Variants in GLE1 observed in about 807,000 individuals in gnomAD.
The protein encoded by GLE1 is GLE1 RNA export mediator.
Under a neutral mutation model 97.3 loss-of-function variants are expected in GLE1, and 78 were observed. That is an observed-to-expected ratio of 0.80 (90% confidence interval 0.67 to 0.97). The LOEUF (loss-of-function observed/expected upper bound fraction) is 0.97, where lower values mean the gene tolerates loss of function less well. Among genes scored for constraint, GLE1 ranks in the 50% least tolerant of loss-of-function variants. The pLI, the probability that GLE1 is intolerant of heterozygous loss-of-function variation, is 0.00. For missense variants in GLE1, 753 were observed against 857.5 expected (o/e 0.88, Z 1.52); for synonymous variants, 302 against 313.4 (o/e 0.96, Z 0.39).
In GLE1 at chr9:128,541,177, TCCATCACCCA is replaced by T; in HGVS notation, c.*16_*25del. On this transcript the variant is annotated 3_prime_UTR_variant, in exon 16 of 16. Coordinates refer to ENST00000309971, the MANE Select transcript of GLE1 (RefSeq NM_001003722.2). The stretch of plus-strand genomic sequence containing the variant: ...CTCCTTCTGGCGCTCCTGATGTCAC[TCCATCACCCA>T]CCATCACCGCTGCTGCAAAGAGGCA... 6.7e-7 allele frequency: 1 copy of T among 1,489,902 alleles called. No individual in the cohort carries two copies. Among genetic ancestry groups the T allele is most frequent in the Non-Finnish European group, 9.4e-7 (1 of 1,066,540 alleles). The allele number at this position is 1,489,902 out of a possible 1,614,324, so 92.3% of individuals were successfully genotyped here.
chr9:128,533,427 CAAAAAAAAAAA>C (rs5900802), intron 9 of GLE1, 75 bp from the exon 10 acceptor site: 71 of 453,630 alleles, frequency 1.6e-4, no homozygotes, highest in Middle Eastern at 6.9e-4. Flanking sequence ...GATACTGTCT[CAAAAAAAAAAA>C]AAAAAAAAAA....
At chr9:128,539,572 G>A (rs747812383) in intron 13 of GLE1, 44 bp from the exon 14 acceptor site, 15 of 1,566,150 alleles carry the variant, frequency 9.6e-6, no homozygotes, top group Non-Finnish European at 1.3e-5. Flanking sequence ...CTGTGAGTGT[G>A]AATTTTCATT....
intron 3 of GLE1, among the ~76,000 whole-genome samples, chr9:128,517,808 A>T (rs996693729): frequency 1.3e-5 from 2 of 151,930 alleles, no homozygotes; most frequent in African/African-American, 4.8e-5. Context: ...GTTTTTTTGT[A>T]TTCTCCACTT....
chr9:128,538,214 G>A, intron 13 of GLE1, 124 bp downstream of exon 13: 3 of 702,266 alleles, frequency 4.3e-6, no homozygotes, highest in Non-Finnish European at 7.8e-6. Context: ...TGAGGTTCCA[G>A]TGTCATACAT....
chr9:128,505,476 T>G (rs1185644657), intron 1 of GLE1, among the ~76,000 whole-genome samples: 2 of 152,178 alleles, frequency 1.3e-5, no homozygotes, highest in African/African-American at 2.4e-5. Context: ...ATCCTCAGAC[T>G]TCTTGGGAAA....
chr9:128,515,779 T>C, intron 3 of GLE1, 140 bp downstream of exon 3: 1 of 684,634 alleles, frequency 1.5e-6, no homozygotes, highest in Non-Finnish European at 2.7e-6. Context: ...GTAATAGAGG[T>C]CAGGAGTGAG....
chr9:128,523,412 G>A, intron 5 of GLE1, 72 bp downstream of exon 5: 1 of 1,436,612 alleles, frequency 7.0e-7, no homozygotes, highest in Non-Finnish European at 9.8e-7. Context: ...CCAGGTTTTG[G>A]CAGATGGCCA....
intron 7 of GLE1, 83 bp from the exon 8 acceptor site, chr9:128,527,096 T>C: frequency 2.6e-6 from 2 of 768,650 alleles, no homozygotes; most frequent in Non-Finnish European, 4.7e-6. Flanking sequence ...AGTACATACA[T>C]AAAGTGATTA....
At chr9:128,514,216 G>T (rs947646746) in intron 2 of GLE1, among the ~76,000 whole-genome samples, 1 of 151,010 alleles carries the variant, frequency 6.6e-6, no homozygotes, top group Non-Finnish European at 1.5e-5. Context: ...GCGTGCGCCA[G>T]TGGTCCCAGC....
chr9:128,514,125 A>G (rs1846907803), intron 2 of GLE1, among the ~76,000 whole-genome samples: 1 of 151,658 alleles, frequency 6.6e-6, no homozygotes, highest in Non-Finnish European at 1.5e-5. Flanking sequence ...CTTGCCTGAG[A>G]CTAGGAGTTT....
At chr9:128,532,653 C>G (rs1847556865) in intron 9 of GLE1, 8 of 937,884 alleles carry the variant, frequency 8.5e-6, no homozygotes, top group African/African-American at 3.6e-5. Flanking sequence ...CATCTCCATT[C>G]TTATTTTATA....
At chr9:128,513,695 T>G in intron 2 of GLE1, among the ~76,000 whole-genome samples, 1 of 140,534 alleles carries the variant, frequency 7.1e-6, no homozygotes, top group South Asian at 2.2e-4. Flanking sequence ...GGTGATAGAG[T>G]AAGACCCTGT....
intron 1 of GLE1, 27 bp from the exon 2 acceptor site, chr9:128,508,849 T>G: frequency 1.5e-4 from 199 of 1,288,898 alleles, no homozygotes; most frequent in Non-Finnish European, 2.0e-4. Context: ...ACGTGTAAGT[T>G]GAGCTTAACC....
rs1268713572 is a variant in GLE1 at position 128,527,513 on chromosome 9, T to G, written c.1300T>G (p.Ser434Ala). The G allele has an allele frequency of 6.2e-7, 1 of 1,608,914 alleles. No individual in the cohort carries two copies. Among genetic ancestry groups the G allele is most frequent in the Non-Finnish European group, 8.5e-7 (1 of 1,175,250 alleles). ...KAATIPVSQI[S>A]TIAGSKLKEI... ...TGCTACCATCCCAGTGAGCCAAATCTCTACCATTGCAGGTTGGTCAGAGGG... is the reference window on the plus strand; with the variant it reads ...TGCTACCATCCCAGTGAGCCAAATCGCTACCATTGCAGGTTGGTCAGAGGG... Residue 434 changes from serine to alanine, a missense_variant, in exon 9 of 16, where the codon TCT becomes GCT. Coordinates refer to ENST00000309971, the MANE Select transcript of GLE1 (RefSeq NM_001003722.2).
chr9:128,518,536 G>A (rs533955237), intron 3 of GLE1, among the ~76,000 whole-genome samples: 1 of 151,992 alleles, frequency 6.6e-6, no homozygotes, highest in South Asian at 2.1e-4. Flanking sequence ...ACTCCAGCCT[G>A]GGTGACAGAG....
chr9:128,527,493 C>T lies in GLE1; in HGVS notation c.1280C>T (p.Thr427Ile), dbSNP rs960331783. The change falls in exon 9 of 16, where the codon ACC (threonine) becomes ATC (isoleucine). Residue 427 changes from threonine to isoleucine, a missense_variant. Coordinates refer to ENST00000309971, the MANE Select transcript of GLE1 (RefSeq NM_001003722.2). ...KIKMDLQKAA[T>I]IPVSQISTIA... The stretch of plus-strand genomic sequence containing the variant: ...AAGATGGACCTCCAGAAGGCTGCTA[C>T]CATCCCAGTGAGCCAAATCTCTACC... 6.2e-7 allele frequency: 1 copy of T among 1,613,014 alleles called. No homozygotes were observed. The highest frequency in any genetic ancestry group is 1.1e-5 in the South Asian group (1 of 91,046).
chr9:128,539,125 G>A (rs1274959501), intron 13 of GLE1, among the ~76,000 whole-genome samples: 1 of 152,076 alleles, frequency 6.6e-6, no homozygotes, highest in African/African-American at 2.4e-5. Flanking sequence ...CCCAGTTACT[G>A]AGGAGGCTGA....
chr9:128,522,056 G>A (rs968839306), intron 3 of GLE1, among the ~76,000 whole-genome samples: 6 of 152,086 alleles, frequency 3.9e-5, no homozygotes, highest in Non-Finnish European at 8.8e-5. Flanking sequence ...GAGGATTTCC[G>A]TAAATTACCA....
At position 128,517,289 on chromosome 9, in the gene GLE1, C is replaced by CA. The variant is rs1239891187; in HGVS notation, c.432+1662dup. 2.6e-3 allele frequency among the ~76,000 whole-genome samples: 358 copies of CA among 138,670 alleles called. 2 individuals carry two copies. Among genetic ancestry groups the CA allele is most frequent in the African/African-American group, 3.7e-3 (138 of 37,686 alleles). 91.0% of individuals were successfully genotyped at this position (138,670 alleles called of 152,430 possible). A position where few individuals can be genotyped will look rare whatever the true frequency, so the allele number is the denominator to read the frequency against. On this transcript the variant is annotated intron_variant, in intron 3 of 15. Transcript: ENST00000309971. ...TGGGCAGCAGGGCAATACTTTATCT[C>CA]AAAAAAAAAAAAGAAAAAGAAAATG...
Sources: gnomAD v4.1 joint callset for allele counts (sites outside exome capture counted in the v4.1 genomes callset) on GRCh38, gnomAD v4.1.1 for gene constraint, MANE v1.5 for transcripts, NCBI Gene and HGNC (gene_info 2026-07-23, HGNC 2026-07-21) for gene names.